The following CELSR1 variants were observed in gnomAD, a reference collection of about 807,000 sequenced individuals.
CELSR1 encodes cadherin EGF LAG seven-pass G-type receptor 1.
CELSR1 carries 110 observed loss-of-function variants against 249.1 expected under a neutral mutation model. The observed-to-expected ratio is 0.44, with a 90% confidence interval of 0.38 to 0.52. CELSR1 has a LOEUF of 0.52. Ranked by LOEUF, CELSR1 falls within the 20% of genes least tolerant of loss-of-function variation. The probability of loss-of-function intolerance (pLI) is 0.00; values close to 1 mark genes in which losing one functional copy is unlikely to be tolerated. For synonymous variants in CELSR1, 2,113 were observed against 1,900.0 expected (o/e 1.11, Z -2.92); for missense variants, 4,109 against 4,296.4 (o/e 0.96, Z 1.22).
intron 3 of CELSR1, 21 bp downstream of exon 3, chr22:46,439,168 C>A: frequency 6.2e-7 from 1 of 1,600,200 alleles, no homozygotes; most frequent in Non-Finnish European, 8.5e-7. Flanking sequence ...CCCCGTGTGG[C>A]GCGGCGGGAC....
chr22:46,468,205 G>C lies in CELSR1; in HGVS notation c.3545-3860C>G, dbSNP rs1213013152. Among the ~76,000 whole-genome samples the C allele has an allele frequency of 6.6e-6, 1 of 152,062 alleles. No homozygotes were observed. The highest frequency in any genetic ancestry group is 6.6e-5 in the Admixed American group (1 of 15,234). ...GTTCAAGACCAGCCTGGGCGACCTG[G>C]TGAAACCATGTCTCTACTAAAAATA... On this transcript the variant is annotated intron_variant, in intron 1 of 34. Transcript: ENST00000674500. The surrounding 1 kb of genome is among the most constrained non-coding windows in gnomAD (Gnocchi z 4.5).
rs1008078258 is a variant in CELSR1, at chr22:46,427,472, G to A, written c.4611+5921C>T. Among the ~76,000 whole-genome samples the A allele has an allele frequency of 6.6e-6, 1 of 152,204 alleles. No homozygotes were observed. On this transcript the variant is annotated intron_variant, in intron 5 of 34. Coordinates refer to ENST00000674500, the MANE Select transcript of CELSR1 (RefSeq NM_001378328.1). The surrounding 1 kb of genome is among the most constrained non-coding windows in gnomAD (Gnocchi z 4.2). ...GAATTGCTTGAACCTGGGAGGCAGAGGTTGCAGTGAGCCAAGACAGCAACA... is the reference window on the plus strand; with the variant it reads ...GAATTGCTTGAACCTGGGAGGCAGAAGTTGCAGTGAGCCAAGACAGCAACA...
At chr22:46,505,603 T>C (rs1224835550) in intron 1 of CELSR1, among the ~76,000 whole-genome samples, 1 of 152,150 alleles carries the variant, frequency 6.6e-6, no homozygotes, top group Non-Finnish European at 1.5e-5. Context: ...ATCATGCTAC[T>C]GCACTCCAGC....
Position 46,536,032 on chromosome 22 carries a change from C to T in CELSR1, c.1139G>A (p.Arg380His), listed in dbSNP as rs781134582. Residue 380 changes from arginine to histidine, a missense_variant, in exon 1 of 35, where the codon CGC becomes CAC. Around this residue, in one of 7 missense-constraint regions of CELSR1, gnomAD observed 673 missense variants for 636.8 expected, o/e 1.06. Coordinates refer to ENST00000674500, the MANE Select transcript of CELSR1 (RefSeq NM_001378328.1). ...YEVLTIRASD[R>H]DSPINANLRY... ...CAAGTTGGCGTTGATGGGCGAGTCG[C>T]GGTCGCTGGCGCGGATGGTCAGCAC... is the stretch of plus-strand genomic sequence containing the variant. 1.3e-5 allele frequency: 21 copies of T among 1,610,220 alleles called. 1 individual carries two copies. Among genetic ancestry groups the T allele is most frequent in the Non-Finnish European group, 1.8e-5 (21 of 1,179,882 alleles).
chr22:46,449,578 C>T (rs374388044), intron 2 of CELSR1, among the ~76,000 whole-genome samples: 17 of 152,304 alleles, frequency 1.1e-4, no homozygotes, highest in African/African-American at 3.4e-4. Context: ...AAACTGCCAG[C>T]GTGGGCCATT....
At chr22:46,462,406 T>G (rs1034500155) in intron 2 of CELSR1, among the ~76,000 whole-genome samples, 2 of 151,302 alleles carry the variant, frequency 1.3e-5, no homozygotes, top group South Asian at 2.1e-4. Context: ...GCAGAGAACC[T>G]TGGAAGCCAT....
In CELSR1 at chr22:46,527,745, C is replaced by CT. The variant is rs1478815517; in HGVS notation, c.3544+5881dup. On this transcript the variant is annotated intron_variant, in intron 1 of 34. Coordinates refer to ENST00000674500, the MANE Select transcript of CELSR1 (RefSeq NM_001378328.1). This position sits in a 1 kb window ranked among gnomAD's most constrained non-coding sequence, Gnocchi z 5.5. Reference sequence around the variant, plus strand: ...AACTCATTGCCAAAAGCACTGAACTCTCCTGGGAAGGTTTGACACTGGCAG... The same window carrying CT: ...AACTCATTGCCAAAAGCACTGAACTCTTCCTGGGAAGGTTTGACACTGGCAG... Among the ~76,000 whole-genome samples the CT allele has an allele frequency of 2.6e-5, 4 of 152,228 alleles. No individual in the cohort carries two copies. Among genetic ancestry groups the CT allele is most frequent in the African/African-American group, 9.6e-5 (4 of 41,456 alleles).
rs187471306 is a variant in CELSR1, at chr22:46,382,707, T to C, written c.6884-657A>G. On this transcript the variant is annotated intron_variant, in intron 20 of 34. Transcript: ENST00000674500. Reference sequence around the variant, plus strand: ...GCGCTCCATCCGCACAATGGAATATTACTCAGCCTTCAAAAGGAGGGGAAG... The same window carrying C: ...GCGCTCCATCCGCACAATGGAATATCACTCAGCCTTCAAAAGGAGGGGAAG... Among the ~76,000 whole-genome samples the C allele has an allele frequency of 4.6e-5, 7 of 152,320 alleles. 1 individual carries two copies. In the East Asian group the frequency reaches 7.7e-4, roughly 17 times the overall value.
intron 2 of CELSR1, among the ~76,000 whole-genome samples, chr22:46,462,401 G>A (rs951685916): frequency 1.4e-4 from 21 of 151,764 alleles, no homozygotes; most frequent in Middle Eastern, 3.4e-3. Context: ...CTGATGCAGA[G>A]AACCTTGGAA....
Position 46,409,232 on chromosome 22 carries a change from C to G in CELSR1, c.5060-70G>C. On this transcript the variant is annotated intron_variant, in intron 8 of 34. Transcript: ENST00000674500. The surrounding 1 kb of genome is among the most constrained non-coding windows in gnomAD (Gnocchi z 9.8). ...ACGGCCGCGGACTTGGCTGCAGGGG[C>G]GGGGGATGGGCCTGCAGGCTAGGCC... 1 of 1,542,084 alleles carries G rather than the reference C, an allele frequency of 6.5e-7. No individual in the cohort carries two copies. Among genetic ancestry groups the G allele is most frequent in the African/African-American group, 1.4e-5 (1 of 72,890 alleles).
chr22:46,364,010 A>T lies in CELSR1; in HGVS notation c.9021T>A (p.Asp3007Glu), dbSNP rs1291276510. ...MNVRTGSAQA[D>E]GSDSEGSNET... ...AGGCTACTCACTCAGAGTCGGAGCC[A>T]TCGGCCTGGGCGCTCCCAGTGCGCA... is the stretch of plus-strand genomic sequence containing the variant. The change falls in exon 34 of 35, where the codon GAT becomes GAA. Residue 3007 changes from aspartate (D) to glutamate (E), a missense_variant. Transcript: ENST00000674500. The T allele has an allele frequency of 6.2e-7, 1 of 1,607,568 alleles. No individual in the cohort carries two copies. Among genetic ancestry groups the T allele is most frequent in the South Asian group, 1.1e-5 (1 of 90,622 alleles).
intron 25 of CELSR1, among the ~76,000 whole-genome samples, chr22:46,370,925 G>A (rs1024503844): frequency 1.3e-5 from 2 of 152,218 alleles, no homozygotes; most frequent in African/African-American, 2.4e-5. Context: ...AGTAGGAAAC[G>A]TGAACTATCT....
intron 1 of CELSR1, among the ~76,000 whole-genome samples, chr22:46,503,179 A>G (rs1024804234): frequency 6.6e-5 from 10 of 152,318 alleles, no homozygotes; most frequent in Admixed American, 5.9e-4. Context: ...ACAGGACCTA[A>G]GACCCAAGCA....
rs1160706625 is a variant in CELSR1, at chr22:46,536,666, G to GGCCGGGACA, written c.496_504dup (p.Cys166_Gly168dup). 8.6e-6 allele frequency: 10 copies of GGCCGGGACA among 1,168,996 alleles called. No homozygotes were observed. The highest frequency in any genetic ancestry group is 8.4e-6 in the Non-Finnish European group (8 of 949,580). 72.4% of individuals were successfully genotyped at this position (1,168,996 alleles called of 1,614,324 possible). On this transcript the variant is annotated inframe_insertion, in exon 1 of 35. Coordinates refer to ENST00000674500, the MANE Select transcript of CELSR1 (RefSeq NM_001378328.1). ...CCGCCCGGCGGCAGGCAGATGGGAC[G>GGCCGGGACA]GCCGGGACAGCGGGGCCTGGGGCGC...
chr22:46,389,631 C>G (rs2079067971), intron 17 of CELSR1, 132 bp from the exon 18 acceptor site: 1 of 1,013,520 alleles, frequency 9.9e-7, no homozygotes, highest in East Asian at 2.6e-5. Flanking sequence ...AATCCAAAAG[C>G]CTGGCTGGGC....
chr22:46,460,178 AAC>A (rs544352270), intron 2 of CELSR1, among the ~76,000 whole-genome samples: 15,223 of 102,846 alleles, frequency 0.15, 841 homozygotes, highest in Admixed American at 0.25. Context: ...TCAGTCTCAA[AAC>A]ACACACACAC....
chr22:46,415,710 C>T (rs557628235), intron 5 of CELSR1, among the ~76,000 whole-genome samples: 1 of 152,194 alleles, frequency 6.6e-6, no homozygotes, highest in South Asian at 2.1e-4. Flanking sequence ...CGGGAAGATC[C>T]TTCCAATTTT....
chr22:46,511,544 C>T (rs1393523761), intron 1 of CELSR1, among the ~76,000 whole-genome samples: 2 of 152,234 alleles, frequency 1.3e-5, no homozygotes, highest in African/African-American at 2.4e-5. Context: ...CTTCAACAAA[C>T]ACTGACTAGG....
At chr22:46,366,784 G>C (rs1034644523) in intron 29 of CELSR1, among the ~76,000 whole-genome samples, 1 of 152,182 alleles carries the variant, frequency 6.6e-6, no homozygotes, top group African/African-American at 2.4e-5. Context: ...GGAAGAGCAG[G>C]GTTAGGATGC....
Sources: gnomAD v4.1 joint callset for allele counts (sites outside exome capture counted in the v4.1 genomes callset) on GRCh38, gnomAD v4.1.1 for gene constraint, gnomAD v4.1.1 regional missense constraint, Gnocchi (gnomAD v3.1) non-coding constraint, MANE v1.5 for transcripts, NCBI Gene and HGNC (gene_info 2026-07-23, HGNC 2026-07-21) for gene names.